The following KRT31 variants were observed in gnomAD, a reference collection of about 807,000 sequenced individuals.
The protein encoded by KRT31 is keratin 31, also known as keratin, type I cuticular Ha1.
Under a neutral mutation model 40.8 loss-of-function variants are expected in KRT31, and 27 were observed. The observed-to-expected ratio is 0.66, with a 90% CI of 0.49 to 0.91. The LOEUF is 0.91. Among genes scored for constraint, KRT31 ranks in the 40% least tolerant of loss-of-function variants. The pLI, the probability that KRT31 is intolerant of heterozygous loss-of-function variation, is 0.00. For missense variants in KRT31, 510 were observed against 544.1 expected (o/e 0.94, Z 0.62); for synonymous variants, 231 against 231.9 (o/e 1.00, Z 0.03).
At chr17:41,395,191 G>A in intron 5 of KRT31, 54 bp downstream of exon 5, 3 of 1,611,850 alleles carry the variant, frequency 1.9e-6, no homozygotes, top group Admixed American at 3.3e-5. Flanking sequence ...CACATCCCCG[G>A]GACTCTGCCT....
In KRT31 at chr17:41,395,077, G is replaced by A. The variant is rs1222235239; in HGVS notation, c.877-9C>T. On this transcript the variant is annotated splice_polypyrimidine_tract_variant and intron_variant, in intron 5 of 6. Transcript: ENST00000251645. ...TTTTCCAGAGAGTCTCGCTGTGGTG[G>A]AGAAGATTGGGAATGTCAGAGAGCT... 6 of 1,614,100 alleles carry A rather than the reference G, an allele frequency of 3.7e-6. No individual in the cohort carries two copies. In the East Asian group the frequency reaches 1.3e-4, roughly 36 times the overall value.
At position 41,394,025 on chromosome 17, in the gene KRT31, G is replaced by T; in HGVS notation, c.1242C>A (p.Phe414Leu). The part of the protein sequence containing the change: ...PRPRCGPCNS[F>L]VR ...TGGCATTCCCTAGGTTCTAGCGCAC[G>T]AAGGAATTGCAGGGCCCACAGCGGG... Residue 414 changes from phenylalanine to leucine, a missense_variant, in exon 7 of 7, where the codon TTC becomes TTA. Transcript: ENST00000251645. 1 of 1,613,246 alleles carries T rather than the reference G, an allele frequency of 6.2e-7. No individual in the cohort carries two copies. Among genetic ancestry groups the T allele is most frequent in the Non-Finnish European group, 8.5e-7 (1 of 1,179,790 alleles).
chr17:41,396,874 A>C lies in KRT31; in HGVS notation c.431+39T>G, dbSNP rs201840528. 3 of 1,477,174 alleles carry C rather than the reference A, an allele frequency of 2.0e-6. No individual in the cohort carries two copies. The African/African-American group carries it at 4.2e-5, about 20-fold the overall frequency. The allele number at this position is 1,477,174 out of a possible 1,614,324, so 91.5% of individuals were successfully genotyped here. A position where few individuals can be genotyped will look rare whatever the true frequency, so the allele number is the denominator to read the frequency against. ...AATCCCTTTTCTTTAAAGATTAAAC[A>C]GAAGCAATTGACACTAGTGCAAATT... On this transcript the variant is annotated intron_variant, in intron 2 of 6. Transcript: ENST00000251645.
intron 1 of KRT31, 48 bp downstream of exon 1, chr17:41,397,144 G>T: frequency 6.2e-7 from 1 of 1,602,022 alleles, no homozygotes; most frequent in Admixed American, 1.7e-5. Flanking sequence ...ATCACAGACA[G>T]AATCACAGCA....
At chr17:41,394,688 T>G in intron 6 of KRT31, 160 bp downstream of exon 6, 1 of 861,268 alleles carries the variant, frequency 1.2e-6, no homozygotes, top group Non-Finnish European at 1.4e-6. Context: ...AAACCATTTA[T>G]GTTTTAAATG....
In KRT31 at chr17:41,394,034, G is replaced by T. The variant is rs1037054386; in HGVS notation, c.1233C>A (p.Cys411Ter). Residue 411 changes from cysteine to a stop codon, truncating the protein, a stop_gained, in exon 7 of 7, where the codon TGC becomes TGA. Coordinates refer to ENST00000251645, the MANE Select transcript of KRT31 (RefSeq NM_002277.3). LOFTEE classifies it high-confidence loss of function. ...CTAGGTTCTAGCGCACGAAGGAATT[G>T]CAGGGCCCACAGCGGGGGCGTGGGG... ...PCAPRPRCGP[C>*]NSFVR The T allele has an allele frequency of 3.1e-6, 5 of 1,613,204 alleles. No individual in the cohort carries two copies. In the African/African-American group the frequency reaches 4.0e-5, roughly 13 times the overall value.
chr17:41,395,868 T>C (rs1176443809), intron 3 of KRT31, among the ~76,000 whole-genome samples: 1 of 152,166 alleles, frequency 6.6e-6, no homozygotes, highest in Non-Finnish European at 1.5e-5. Context: ...GATGAACTAA[T>C]TGATATTCAA....
intron 1 of KRT31, 80 bp downstream of exon 1, chr17:41,397,112 G>C: frequency 6.3e-7 from 1 of 1,584,558 alleles, no homozygotes; most frequent in African/African-American, 1.3e-5. Flanking sequence ...TGACAGCACA[G>C]AAGCAAGAAA....
rs373038940 is a variant in KRT31, at chr17:41,395,445, C to T, written c.750+17G>A. 21 of 1,614,018 alleles carry T rather than the reference C, an allele frequency of 1.3e-5. No individual in the cohort carries two copies. Among genetic ancestry groups the T allele is most frequent in the South Asian group, 9.9e-5 (9 of 91,078 alleles). ...GGGGGCCTTGGGTCCTGAGGGGCCA[C>T]GTGCTTAGATGCCCACCTGCGTGGT... On this transcript the variant is annotated intron_variant, in intron 4 of 6. Transcript: ENST00000251645.
chr17:41,394,302 C>A, intron 6 of KRT31, 133 bp from the exon 7 acceptor site: 1 of 851,954 alleles, frequency 1.2e-6, no homozygotes. Context: ...GGCACAGACT[C>A]CCCTGCTACA....
Position 41,395,534 on chromosome 17 carries a change from G to T in KRT31, c.678C>A (p.Asn226Lys). ...GGGCCTCATACTGACTCCTGGTCTCGTTCAGCACCCGATTCAGGTCCACAG... is the reference window on the plus strand; with the variant it reads ...GGGCCTCATACTGACTCCTGGTCTCTTTCAGCACCCGATTCAGGTCCACAG... ...APTVDLNRVL[N>K]ETRSQYEALV... Residue 226 changes from asparagine (N) to lysine (K), a missense_variant, in exon 4 of 7, where the codon AAC (asparagine) becomes AAA (lysine). Physicochemically the swap from Asn to Lys is moderately conservative, Grantham distance 94. Coordinates refer to ENST00000251645, the MANE Select transcript of KRT31 (RefSeq NM_002277.3). The T allele has an allele frequency of 3.7e-6, 6 of 1,614,182 alleles. No individual in the cohort carries two copies. Among genetic ancestry groups the T allele is most frequent in the Non-Finnish European group, 5.1e-6 (6 of 1,180,024 alleles).
intron 5 of KRT31, 55 bp downstream of exon 5, chr17:41,395,190 G>T (rs1196074945): frequency 1.2e-6 from 2 of 1,611,652 alleles, no homozygotes; most frequent in East Asian, 2.2e-5. Context: ...GCACATCCCC[G>T]GGACTCTGCC....
chr17:41,397,498 G>T lies in KRT31; in HGVS notation c.42C>A (p.Thr14=), dbSNP rs1269582328. ...NFCLPSLSCR[T]SCSSRPCVPP... is the part of the protein sequence containing the mutation. ...GCACGCAGGGCCGGGAGGAGCAGCT[G>T]GTGCGGCAGCTCAGGCTGGGCAGGC... Residue 14 remains threonine, a synonymous_variant, in exon 1 of 7, where the codon ACC becomes ACA. Transcript: ENST00000251645. The T allele has an allele frequency of 6.2e-7, 1 of 1,613,304 alleles. No homozygotes were observed.
chr17:41,395,099 A>T lies in KRT31; in HGVS notation c.877-31T>A, dbSNP rs749365613. On this transcript the variant is annotated intron_variant, in intron 5 of 6. Transcript: ENST00000251645. ...GTGGAGAAGATTGGGAATGTCAGAGAGCTGCTCCTTCAAAGGGTTTCTTCA... is the reference window on the plus strand; with the variant it reads ...GTGGAGAAGATTGGGAATGTCAGAGTGCTGCTCCTTCAAAGGGTTTCTTCA... The T allele has an allele frequency of 2.5e-6, 4 of 1,613,224 alleles. No homozygotes were observed. In the South Asian group the frequency reaches 4.4e-5, roughly 18 times the overall value.
rs2018195197 is a variant in KRT31, at chr17:41,394,951, G to C, written c.994C>G (p.Leu332Val). 6.2e-7 allele frequency: 1 copy of C among 1,614,240 alleles called. No homozygotes were observed. Among genetic ancestry groups the C allele is most frequent in the Non-Finnish European group, 8.5e-7 (1 of 1,180,044 alleles). The part of the protein sequence containing the change: ...ESQLAEIRSD[L>V]ERQNQEYQVL... ...TGGTACTCCTGGTTCTGCCGCTCCA[G>C]GTCACTGCGGATCTCCGCCAGCTGG... Residue 332 changes from leucine (L) to valine (V), a missense_variant, in exon 6 of 7, where the codon CTG becomes GTG. By Grantham distance (32) the Leu-to-Val change is conservative. Coordinates refer to ENST00000251645, the MANE Select transcript of KRT31 (RefSeq NM_002277.3).
chr17:41,396,673 G>C, intron 2 of KRT31, 97 bp from the exon 3 acceptor site: 2 of 1,379,202 alleles, frequency 1.5e-6, no homozygotes, highest in Non-Finnish European at 9.9e-7. Context: ...TCCACTTTCT[G>C]TAATGAATAG....
intron 6 of KRT31, among the ~76,000 whole-genome samples, chr17:41,394,529 T>A (rs2018185265): frequency 6.6e-6 from 1 of 152,180 alleles, no homozygotes; most frequent in South Asian, 2.1e-4. Flanking sequence ...TCAAATCAGG[T>A]AGCCTATGGG....
At chr17:41,396,654 C>G (rs964770385) in intron 2 of KRT31, 78 bp from the exon 3 acceptor site, 1 of 1,488,322 alleles carries the variant, frequency 6.7e-7, no homozygotes, top group African/African-American at 1.4e-5. Flanking sequence ...ACCTCATGTG[C>G]CTTATCTTTC....
Position 41,394,037 on chromosome 17 carries a change from G to A in KRT31, c.1230C>T (p.Pro410=). The A allele has an allele frequency of 6.2e-7, 1 of 1,613,350 alleles. No homozygotes were observed. ...TPCAPRPRCG[P]CNSFVR ...GGTTCTAGCGCACGAAGGAATTGCA[G>A]GGCCCACAGCGGGGGCGTGGGGCAC... Residue 410 remains proline, a synonymous_variant, in exon 7 of 7, where the codon CCC becomes CCT. Transcript: ENST00000251645.
Sources: allele counts gnomAD v4.1 joint callset (sites outside exome capture counted in the v4.1 genomes callset), GRCh38; gene constraint gnomAD v4.1.1; transcripts MANE v1.5; gene names NCBI Gene and HGNC (gene_info 2026-07-23, HGNC 2026-07-21).